The following PDE8B variants were observed in gnomAD, a reference collection of about 807,000 sequenced individuals.
The protein encoded by PDE8B is high affinity cAMP-specific and IBMX-insensitive 3',5'-cyclic phosphodiesterase 8B.
A neutral mutation model predicts 101.3 loss-of-function variants in PDE8B; 26 were observed. That is an observed-to-expected ratio of 0.26 (90% CI 0.19 to 0.36). PDE8B has a LOEUF of 0.36. PDE8B is among the 10% of genes least tolerant of loss of function. The pLI is 1.00. For synonymous variants in PDE8B, 424 were observed against 429.3 expected, an observed-to-expected ratio of 0.99 and a Z score of 0.15; for missense variants, 810 against 1,163.1, an observed-to-expected ratio of 0.70 and a Z score of 4.42.
intron 20 of PDE8B, among the ~76,000 whole-genome samples, chr5:77,423,647 T>TTTG (rs1797232589): frequency 7.7e-6 from 1 of 129,980 alleles, no homozygotes; most frequent in Non-Finnish European, 1.7e-5. Context: ...TTTTTTTTTT[T>TTTG]TTTTTTTTTT....
intron 10 of PDE8B, among the ~76,000 whole-genome samples, chr5:77,383,178 C>G (rs1238021743): frequency 6.6e-6 from 1 of 152,226 alleles, no homozygotes; most frequent in Non-Finnish European, 1.5e-5. Flanking sequence ...TTGCATTTCT[C>G]TAATGACCAG....
At chr5:77,282,622 G>A (rs1276835713) in intron 1 of PDE8B, among the ~76,000 whole-genome samples, 1 of 152,092 alleles carries the variant, frequency 6.6e-6, no homozygotes, top group African/African-American at 2.4e-5. Context: ...TCTGCTGCTC[G>A]GAGGCAGTGC....
chr5:77,100,530 C>G, the PDE8B span: 1 of 152,214 alleles, frequency 6.6e-6, no homozygotes, highest in African/African-American at 2.4e-5. Context: ...ATCAGGGTCC[C>G]TAAATGAGGC....
intron 10 of PDE8B, among the ~76,000 whole-genome samples, chr5:77,390,669 C>T (rs1789728809): frequency 6.6e-6 from 1 of 152,168 alleles, no homozygotes; most frequent in Admixed American, 6.5e-5. Context: ...CACACGTCCC[C>T]CCAAATTTCA....
intron 17 of PDE8B, 89 bp from the exon 18 acceptor site, chr5:77,418,140 C>A: frequency 1.1e-6 from 1 of 885,824 alleles, no homozygotes; most frequent in Non-Finnish European, 1.9e-6. Flanking sequence ...ATCTCAAATC[C>A]CCTGACCCGA....
At chr5:77,100,965 C>CTTTT in the PDE8B span, among the ~76,000 whole-genome samples, 3 of 124,408 alleles carry the variant, frequency 2.4e-5, no homozygotes, top group African/African-American at 3.1e-5. Flanking sequence ...ATTTTTTTTC[C>CTTTT]TTTTTTTTTT....
chr5:77,265,171 G>A (rs1202785010), intron 1 of PDE8B, among the ~76,000 whole-genome samples: 1 of 152,138 alleles, frequency 6.6e-6, no homozygotes, highest in African/African-American at 2.4e-5. Flanking sequence ...GTACTCTTAT[G>A]GGATGGTTGG....
At chr5:77,194,940 C>T in the PDE8B span, among the ~76,000 whole-genome samples, 1 of 152,120 alleles carries the variant, frequency 6.6e-6, no homozygotes, top group Non-Finnish European at 1.5e-5. Context: ...GTTGTCAGTT[C>T]TTTGGGGTAT....
chr5:77,395,274 A>G (rs13179043), intron 10 of PDE8B, among the ~76,000 whole-genome samples: 1 of 142,836 alleles, frequency 7.0e-6, no homozygotes, highest in Admixed American at 6.9e-5. Context: ...CCGCCACCAC[A>G]CCCGGCTACT....
At chr5:77,123,269 G>T in the PDE8B span, among the ~76,000 whole-genome samples, 1 of 151,810 alleles carries the variant, frequency 6.6e-6, no homozygotes, top group Non-Finnish European at 1.5e-5. Flanking sequence ...AGCTCCTCAC[G>T]AAGCCACTCA....
At chr5:77,378,954 A>G (rs1786902791) in intron 10 of PDE8B, among the ~76,000 whole-genome samples, 1 of 152,232 alleles carries the variant, frequency 6.6e-6, no homozygotes, top group South Asian at 2.1e-4. Flanking sequence ...CATTGTAGAT[A>G]TTTGAAAGAC....
intron 10 of PDE8B, among the ~76,000 whole-genome samples, chr5:77,393,052 G>A (rs1024924208): frequency 2.0e-5 from 3 of 152,200 alleles, no homozygotes; most frequent in African/African-American, 7.2e-5. Flanking sequence ...TAGCCAGGAA[G>A]TAATTCAGGT....
chr5:77,363,661 G>A (rs556767723), intron 10 of PDE8B, among the ~76,000 whole-genome samples: 2 of 148,592 alleles, frequency 1.3e-5, no homozygotes, highest in South Asian at 2.1e-4. Context: ...GCCGTGAGCC[G>A]AGATCCCACC....
chr5:77,143,862 T>TGA, the PDE8B span: 1 of 128,622 alleles, frequency 7.8e-6, no homozygotes, highest in Non-Finnish European at 1.5e-5. Flanking sequence ...TTGAGGGATT[T>TGA]TTTTTTTTTT....
At chr5:77,343,482 C>G (rs563589958) in intron 6 of PDE8B, among the ~76,000 whole-genome samples, 1 of 152,206 alleles carries the variant, frequency 6.6e-6, no homozygotes, top group African/African-American at 2.4e-5. Context: ...TAGAAAGGCA[C>G]AGTAAAAATG....
At chr5:77,348,494 G>A (rs1780535239) in intron 7 of PDE8B, among the ~76,000 whole-genome samples, 1 of 152,126 alleles carries the variant, frequency 6.6e-6, no homozygotes, top group African/African-American at 2.4e-5. Context: ...CCTGAGCCCA[G>A]CACTGAAAGG....
At chr5:77,330,320 G>C (rs1215886025) in intron 4 of PDE8B, among the ~76,000 whole-genome samples, 1 of 152,120 alleles carries the variant, frequency 6.6e-6, no homozygotes, top group Non-Finnish European at 1.5e-5. Context: ...ATGGCAAAAA[G>C]GTTTGCTAGT....
intron 1 of PDE8B, among the ~76,000 whole-genome samples, chr5:77,259,753 T>C (rs1207878494): frequency 1.3e-5 from 2 of 152,226 alleles, no homozygotes; most frequent in Non-Finnish European, 2.9e-5. Context: ...GGTGGGGGTA[T>C]GTTTCCCACA....
chr5:77,307,391 C>T (rs538103620), intron 1 of PDE8B, among the ~76,000 whole-genome samples: 17 of 152,288 alleles, frequency 1.1e-4, no homozygotes, highest in East Asian at 7.7e-4. Context: ...AAATGTCTCT[C>T]AACCAGAATT....
Sources: gnomAD v4.1 joint callset for allele counts (sites outside exome capture counted in the v4.1 genomes callset) on GRCh38, gnomAD v4.1.1 for gene constraint, MANE v1.5 for transcripts, NCBI Gene and HGNC (gene_info 2026-07-23, HGNC 2026-07-21) for gene names.